Variants in OSBP2 observed in about 807,000 individuals in gnomAD.
OSBP2 encodes the protein oxysterol-binding protein 2.
OSBP2 carries 66 observed loss-of-function variants against 96.0 expected under a neutral mutation model. That is an observed-to-expected ratio of 0.69 (90% CI 0.56 to 0.84). The LOEUF is 0.84. OSBP2 is among the 40% of genes least tolerant of loss of function. OSBP2 has a pLI of 0.00. For missense variants in OSBP2, 1,038 were observed against 1,222.7 expected, an observed-to-expected ratio of 0.85 and a Z score of 2.25; for synonymous variants, 525 against 520.9, an observed-to-expected ratio of 1.01 and a Z score of -0.11.
chr22:30,705,281 T>TTTGTTGTTG (rs58817033), intron 1 of OSBP2, among the ~76,000 whole-genome samples: 1 of 150,506 alleles, frequency 6.6e-6, no homozygotes. Flanking sequence ...CCCCAGTATT[T>TTTGTTGTTG]TTGTTGTTGT....
At position 30,870,477 on chromosome 22, in the gene OSBP2, A is replaced by C. The variant is rs925525198; in HGVS notation, c.902A>C (p.Glu301Ala). 4.3e-6 allele frequency: 7 copies of C among 1,614,064 alleles called. No individual in the cohort carries two copies. Among genetic ancestry groups the C allele is most frequent in the Middle Eastern group, 3.3e-4 (2 of 6,062 alleles). The part of the protein sequence containing the change: ...DEATTPADKS[E>A]LHHTLKNLSL... ...GCTACCACCCCAGCCGACAAGAGCG[A>C]GCTGCACCACACCCTGAAGAATCTT... Residue 301 changes from glutamate (E) to alanine (A), a missense_variant, in exon 3 of 14, where the codon GAG (glutamate) becomes GCG (alanine). Physicochemically the swap from Glu to Ala is moderately radical, Grantham distance 107. This residue lies in a region of OSBP2 where 737 missense variants were observed against 913.3 expected (regional missense o/e 0.81). Transcript: ENST00000332585. This position sits in a 1 kb window ranked among gnomAD's most constrained non-coding sequence, Gnocchi z 4.1.
At chr22:30,694,035 C>CT (rs1325967687), upstream of OSBP2, 1 of 1,548,498 alleles carries the variant, frequency 6.5e-7, no homozygotes, top group Admixed American at 2.0e-5. Context: ...TCACAGCCTC[C>CT]TTTGTTATGG....
Position 30,822,764 on chromosome 22 carries a change from C to T in OSBP2, c.854-47665C>T, listed in dbSNP as rs79639049. ...GGAGGCCAGGCTCCCCGCGCATGCA[C>T]GCCCGGTGCCTGGCTTTGCTGCGTG... On this transcript the variant is annotated intron_variant, in intron 2 of 13. Coordinates refer to ENST00000332585, the MANE Select transcript of OSBP2 (RefSeq NM_030758.4). 1.1e-3 allele frequency: 1,624 copies of T among 1,423,186 alleles called. 21 individuals carry two copies. In the African/African-American group the frequency reaches 0.021, roughly 19 times the overall value. The allele number at this position is 1,423,186 out of a possible 1,614,324, so 88.2% of individuals were successfully genotyped here.
intron 3 of OSBP2, among the ~76,000 whole-genome samples, chr22:30,877,567 T>A (rs2039610605): frequency 6.6e-6 from 1 of 152,154 alleles, no homozygotes; most frequent in African/African-American, 2.4e-5. Context: ...AGTGTTAGCA[T>A]CCATAAAGTG....
chr22:30,694,523 G>A (rs547778438), upstream of OSBP2, among the ~76,000 whole-genome samples: 1 of 152,310 alleles, frequency 6.6e-6, no homozygotes, highest in Admixed American at 6.5e-5. Context: ...GGTCCCGTGG[G>A]CAGAGCTGCG....
intron 2 of OSBP2, 37 bp downstream of exon 2, chr22:30,741,406 G>A: frequency 6.6e-7 from 1 of 1,522,918 alleles, no homozygotes; most frequent in Non-Finnish European, 8.9e-7. Context: ...TGTATATGGT[G>A]GTGTCATGAG....
At chr22:30,894,322 A>C in intron 12 of OSBP2, 1 of 282,478 alleles carries the variant, frequency 3.5e-6, no homozygotes, top group Non-Finnish European at 6.7e-6. Flanking sequence ...GGAAAGTCCA[A>C]AGAGAACAAA....
chr22:30,778,423 C>T (rs1327677160), intron 2 of OSBP2, among the ~76,000 whole-genome samples: 1 of 151,968 alleles, frequency 6.6e-6, no homozygotes, highest in Admixed American at 6.6e-5. Context: ...TTTTTGTTGT[C>T]ACTTTCTGCT....
chr22:30,717,524 T>C (rs746692880), intron 1 of OSBP2, among the ~76,000 whole-genome samples: 13 of 152,168 alleles, frequency 8.5e-5, no homozygotes, highest in Non-Finnish European at 1.3e-4. Flanking sequence ...GGAAGTTACA[T>C]CCAGGAAAGT....
rs2145735561 is a variant in OSBP2, at chr22:30,738,606, G to T, written c.645-2555G>T. 1.3e-5 allele frequency among the ~76,000 whole-genome samples: 2 copies of T among 151,910 alleles called. 1 individual carries two copies. The highest frequency in any genetic ancestry group is 3.9e-4 in the East Asian group (2 of 5,160). ...ACGGAGTTTCGCTCTTGTTGCCCAG[G>T]CTGGAGTGCAATGGTGCAATCTTGT... On this transcript the variant is annotated intron_variant, in intron 1 of 13. Coordinates refer to ENST00000332585, the MANE Select transcript of OSBP2 (RefSeq NM_030758.4).
At chr22:30,744,655 G>A (rs1307703703) in intron 2 of OSBP2, among the ~76,000 whole-genome samples, 1 of 152,086 alleles carries the variant, frequency 6.6e-6, no homozygotes, top group Non-Finnish European at 1.5e-5. Flanking sequence ...CAGCTACTTG[G>A]GAGGCTGAGG....
At chr22:30,758,062 C>T (rs1162772797) in intron 2 of OSBP2, among the ~76,000 whole-genome samples, 2 of 152,172 alleles carry the variant, frequency 1.3e-5, no homozygotes, top group African/African-American at 4.8e-5. Flanking sequence ...TGCTCAGTTC[C>T]AGTTCCAGGT....
chr22:30,818,444 C>T (rs1012669039), intron 2 of OSBP2, among the ~76,000 whole-genome samples: 8 of 152,142 alleles, frequency 5.3e-5, no homozygotes, highest in Non-Finnish European at 1.2e-4. Context: ...GGGTGCAGAA[C>T]TTTTTGCACT....
chr22:30,819,550 C>T lies in OSBP2; in HGVS notation c.854-50879C>T, dbSNP rs181366816. Among the ~76,000 whole-genome samples the T allele has an allele frequency of 2.0e-3, 298 of 152,256 alleles. 1 individual carries two copies. The highest frequency in any genetic ancestry group is 6.9e-3 in the African/African-American group (288 of 41,542). On this transcript the variant is annotated intron_variant, in intron 2 of 13. Coordinates refer to ENST00000332585, the MANE Select transcript of OSBP2 (RefSeq NM_030758.4). ...GCAGCTAATATATTTTCTTTAAGGA[C>T]GAGTTGGCACCCTTCTGGCTGCCTG...
chr22:30,778,325 A>ACACACACACC (rs2090465119), intron 2 of OSBP2, among the ~76,000 whole-genome samples: 1 of 151,480 alleles, frequency 6.6e-6, no homozygotes, highest in Non-Finnish European at 1.5e-5. Context: ...ACACACACAC[A>ACACACACACC]CACACACACC....
At chr22:30,861,956 C>T (rs1261873519) in intron 2 of OSBP2, among the ~76,000 whole-genome samples, 9 of 152,230 alleles carry the variant, frequency 5.9e-5, no homozygotes, top group Non-Finnish European at 1.3e-4. Flanking sequence ...TGCCACCTGC[C>T]ACTAAGTCAC....
At chr22:30,733,350 A>G (rs2089807604) in intron 1 of OSBP2, among the ~76,000 whole-genome samples, 1 of 152,242 alleles carries the variant, frequency 6.6e-6, no homozygotes, top group Non-Finnish European at 1.5e-5. Context: ...CTCTGGGCTC[A>G]TGGACTTCTC....
intron 3 of OSBP2, among the ~76,000 whole-genome samples, chr22:30,882,507 A>T (rs575361154): frequency 4.5e-5 from 1 of 22,200 alleles, no homozygotes; most frequent in East Asian, 2.8e-3. Flanking sequence ...TGCACACTAT[A>T]AAAAAAAAAA....
At chr22:30,730,772 C>CTATATATATATATA (rs2089752761) in intron 1 of OSBP2, among the ~76,000 whole-genome samples, 1 of 20,572 alleles carries the variant, frequency 4.9e-5, no homozygotes. Context: ...CTCTCTCTCT[C>CTATATATATATATA]TCTATATATA....
Sources: allele counts gnomAD v4.1 joint callset (sites outside exome capture counted in the v4.1 genomes callset), GRCh38; gene constraint gnomAD v4.1.1; regional missense constraint gnomAD v4.1.1; non-coding constraint Gnocchi (gnomAD v3.1); transcripts MANE v1.5; gene names NCBI Gene and HGNC (gene_info 2026-07-23, HGNC 2026-07-21).